NECTIN1: variants seen among roughly 807,000 people sequenced by gnomAD.
NECTIN1 encodes the protein nectin-1.
Under a neutral mutation model 48.0 loss-of-function variants are expected in NECTIN1, and 23 were observed. The ratio of observed to expected loss-of-function variants is 0.48; its 90% CI spans 0.34 to 0.68. The LOEUF is 0.68. Ranked by LOEUF, NECTIN1 falls within the 30% of genes least tolerant of loss-of-function variation. NECTIN1 has a pLI of 0.01. For synonymous variants in NECTIN1, 270 were observed against 288.9 expected (o/e 0.93, Z 0.66); for missense variants, 591 against 709.9 (o/e 0.83, Z 1.90).
At chr11:119,702,097 G>A (rs1865466099) in intron 1 of NECTIN1, among the ~76,000 whole-genome samples, 1 of 152,212 alleles carries the variant, frequency 6.6e-6, no homozygotes, top group African/African-American at 2.4e-5. Flanking sequence ...GGTGGCACCA[G>A]CCTGGGGACA....
chr11:119,657,737 T>G (rs1185480182), downstream of NECTIN1, among the ~76,000 whole-genome samples: 1 of 76,636 alleles, frequency 1.3e-5, no homozygotes, highest in South Asian at 3.8e-4. Context: ...CCTGTCTCTA[T>G]AAAATAATAA....
chr11:119,665,248 C>A lies in NECTIN1; in HGVS notation c.1053G>T (p.Pro351=), dbSNP rs1200888139. The A allele has an allele frequency of 1.9e-6, 3 of 1,598,574 alleles. No individual in the cohort carries two copies. The highest frequency in any genetic ancestry group is 2.5e-6 in the Non-Finnish European group (3 of 1,177,292). ...CGCCCCCAATGATGGCCGTGGGCAC[C>A]GGCCCGGCGCGCCGCCCATGTTCGG... The part of the protein sequence containing the change: ...SPPEHGRRAG[P]VPTAIIGGVA... The change falls in exon 6 of 6, where the codon CCG becomes CCT. Residue 351 remains proline, a synonymous_variant. Transcript: ENST00000264025. The surrounding 1 kb of genome is among the most constrained non-coding windows in gnomAD (Gnocchi z 5.1).
chr11:119,721,384 C>A (rs1359503118), intron 1 of NECTIN1, among the ~76,000 whole-genome samples: 1 of 152,194 alleles, frequency 6.6e-6, no homozygotes, highest in Non-Finnish European at 1.5e-5. Context: ...ACTCAGACTC[C>A]CAGTGGGACA....
downstream of NECTIN1, chr11:119,656,421 AAAGAC>A (rs553614774): frequency 2.0e-5 from 3 of 152,362 alleles, no homozygotes; most frequent in East Asian, 5.8e-4. Context: ...TAAAAAAGAA[AAAGAC>A]AAGATCCCAG....
downstream of NECTIN1, chr11:119,660,932 G>T: frequency 1.1e-6 from 1 of 873,826 alleles, no homozygotes; most frequent in Non-Finnish European, 1.4e-6. Flanking sequence ...ATCCCCTCCA[G>T]CTCCACGCCT....
intron 1 of NECTIN1, among the ~76,000 whole-genome samples, chr11:119,695,898 T>C (rs1430211748): frequency 6.6e-6 from 1 of 152,180 alleles, no homozygotes; most frequent in East Asian, 1.9e-4. Context: ...AAGAGGAAGG[T>C]GCTACCTATT....
intron 7 of NECTIN1, chr11:119,638,669 A>G (rs1258511852): frequency 6.9e-7 from 1 of 1,448,566 alleles, no homozygotes; most frequent in Admixed American, 1.8e-5. Flanking sequence ...CCTTGGGGCC[A>G]TCTCCCATTT....
chr11:119,716,870 G>GCA (rs146322585), intron 1 of NECTIN1, among the ~76,000 whole-genome samples: 2 of 151,926 alleles, frequency 1.3e-5, no homozygotes, highest in African/African-American at 4.8e-5. Flanking sequence ...ACGCACGCAC[G>GCA]CACACACACA....
intron 1 of NECTIN1, among the ~76,000 whole-genome samples, chr11:119,719,713 C>A (rs1016855239): frequency 6.6e-6 from 1 of 152,124 alleles, no homozygotes; most frequent in Non-Finnish European, 1.5e-5. Flanking sequence ...TATGCCAGGC[C>A]CTGGAGAAAC....
chr11:119,687,442 C>G (rs1370573353), intron 1 of NECTIN1: 1 of 152,230 alleles, frequency 6.6e-6, no homozygotes, highest in Non-Finnish European at 1.5e-5. Flanking sequence ...CAACCTGGAA[C>G]CCCCTGGCTC....
rs1591447192 is a variant in NECTIN1, at chr11:119,662,716, C to T, written c.*2031G>A. The T allele has an allele frequency of 1.0e-6, 1 of 985,398 alleles. No homozygotes were observed. Among genetic ancestry groups the T allele is most frequent in the South Asian group, 4.7e-5 (1 of 21,282 alleles). The allele number at this position is 985,398 out of a possible 1,614,324, so 61.0% of individuals were successfully genotyped here. A position where few individuals can be genotyped will look rare whatever the true frequency, so the allele number is the denominator to read the frequency against. ...GGCAGTGATGTAATGTGGAAAAGGTCCCCTGTCCTGGGGGACACTAATACT... is the reference window on the plus strand; with the variant it reads ...GGCAGTGATGTAATGTGGAAAAGGTTCCCTGTCCTGGGGGACACTAATACT... On this transcript the variant is annotated 3_prime_UTR_variant, in exon 6 of 6. Transcript: ENST00000264025. This position sits in a 1 kb window ranked among gnomAD's most constrained non-coding sequence, Gnocchi z 5.3.
intron 4 of NECTIN1, among the ~76,000 whole-genome samples, chr11:119,675,846 A>G (rs1864937229): frequency 6.6e-6 from 1 of 151,882 alleles, no homozygotes; most frequent in Admixed American, 6.6e-5. Context: ...TCTCTACTAA[A>G]AGTACAAAAA....
At position 119,673,972 on chromosome 11, in the gene NECTIN1, G is replaced by A. The variant is rs1864902340; in HGVS notation, c.1003+1187C>T. ...CAGGTGGCTCCACACTCCCGCCCCT[G>A]GGTGAGAGACGTGACAGAACGGCTC... On this transcript the variant is annotated intron_variant, in intron 5 of 5. Transcript: ENST00000264025. This position sits in a 1 kb window ranked among gnomAD's most constrained non-coding sequence, Gnocchi z 5.8. Among the ~76,000 whole-genome samples, 1 of 152,232 alleles carries A rather than the reference G, an allele frequency of 6.6e-6. No homozygotes were observed. Among genetic ancestry groups the A allele is most frequent in the Admixed American group, 6.5e-5 (1 of 15,288 alleles).
chr11:119,677,178 A>G lies in NECTIN1; in HGVS notation c.775T>C (p.Tyr259His), dbSNP rs1864967521. ...AGCTTCACGTCCATCCGCTGCAGGT[A>G]CCAGTTGCCATCAAACCCCTCAATG... ...VTIEGFDGNW[Y>H]LQRMDVKLTC... The change falls in exon 4 of 6, where the codon TAC becomes CAC. Residue 259 changes from tyrosine to histidine, a missense_variant. Transcript: ENST00000264025. The surrounding 1 kb of genome is among the most constrained non-coding windows in gnomAD (Gnocchi z 5.4). 1 of 1,613,986 alleles carries G rather than the reference A, an allele frequency of 6.2e-7. No individual in the cohort carries two copies. Among genetic ancestry groups the G allele is most frequent in the Non-Finnish European group, 8.5e-7 (1 of 1,180,022 alleles).
rs1050260675 is a variant in NECTIN1 at position 119,665,792 on chromosome 11, C to T, written c.1004-495G>A. On this transcript the variant is annotated intron_variant, in intron 5 of 5. Coordinates refer to ENST00000264025, the MANE Select transcript of NECTIN1 (RefSeq NM_002855.5). The surrounding 1 kb of genome is among the most constrained non-coding windows in gnomAD (Gnocchi z 5.1). ...ATCGTTGCTTCTCCTGCACATAGAA[C>T]GTGTGCAAATGTCACTGATACCCCT... Among the ~76,000 whole-genome samples the T allele has an allele frequency of 2.0e-5, 3 of 152,196 alleles. No individual in the cohort carries two copies. Among genetic ancestry groups the T allele is most frequent in the Admixed American group, 6.5e-5 (1 of 15,284 alleles).
intron 1 of NECTIN1, among the ~76,000 whole-genome samples, chr11:119,685,852 C>T (rs1865145519): frequency 6.6e-6 from 1 of 152,160 alleles, no homozygotes; most frequent in Non-Finnish European, 1.5e-5. Context: ...TTCTGTATGG[C>T]CTTGGATAGG....
intron 1 of NECTIN1, among the ~76,000 whole-genome samples, chr11:119,722,804 G>T (rs530002952): frequency 6.6e-5 from 10 of 152,230 alleles, no homozygotes; most frequent in Non-Finnish European, 1.2e-4. Flanking sequence ...ACTCAGAGGG[G>T]CCAGGACCAT....
At position 119,697,027 on chromosome 11, in the gene NECTIN1, C is replaced by T. The variant is rs143639207; in HGVS notation, c.80-18262G>A. 3.9e-3 allele frequency among the ~76,000 whole-genome samples: 587 copies of T among 152,278 alleles called. 4 individuals are homozygous for T. The East Asian group carries it at 0.048, about 13-fold the overall frequency. On this transcript the variant is annotated intron_variant, in intron 1 of 5. Coordinates refer to ENST00000264025, the MANE Select transcript of NECTIN1 (RefSeq NM_002855.5). Reference sequence around the variant, plus strand: ...CTATGAGGCCTGCCCACTCTGTGTGCTGCCCGCTGCAGCGGGCAGAGGCCG... The same window carrying T: ...CTATGAGGCCTGCCCACTCTGTGTGTTGCCCGCTGCAGCGGGCAGAGGCCG...
intron 5 of NECTIN1, among the ~76,000 whole-genome samples, chr11:119,670,828 G>A (rs1864852574): frequency 6.6e-6 from 1 of 151,726 alleles, no homozygotes; most frequent in South Asian, 2.1e-4. Context: ...TTGTAGAGAC[G>A]GGGTTTCACA....
Sources: gnomAD v4.1 joint callset for allele counts (sites outside exome capture counted in the v4.1 genomes callset) on GRCh38, gnomAD v4.1.1 for gene constraint, Gnocchi (gnomAD v3.1) non-coding constraint, MANE v1.5 for transcripts, NCBI Gene and HGNC (gene_info 2026-07-23, HGNC 2026-07-21) for gene names.